Variants in FBXO17 observed in about 807,000 individuals in gnomAD.
FBXO17 encodes F-box only protein 17.
Under a neutral mutation model 34.1 loss-of-function variants are expected in FBXO17, and 43 were observed. That is an observed-to-expected ratio of 1.26 (90% confidence interval 0.99 to 1.62). FBXO17 has a LOEUF of 1.62. FBXO17 is among the 40% of genes most tolerant of loss of function. The pLI, the probability that FBXO17 is intolerant of heterozygous loss-of-function variation, is 0.00. For synonymous variants in FBXO17, 169 were observed against 166.0 expected (o/e 1.02, Z -0.14); for missense variants, 424 against 386.7 (o/e 1.10, Z -0.81).
At chr19:38,963,716 C>A (rs1297393529) in intron 1 of FBXO17, among the ~76,000 whole-genome samples, 2 of 151,964 alleles carry the variant, frequency 1.3e-5, no homozygotes, top group African/African-American at 2.4e-5. Context: ...TTGTTTCCAG[C>A]TTAGGGGTAT....
chr19:38,946,313 T>C, intron 4 of FBXO17, 159 bp downstream of exon 4: 1 of 1,266,818 alleles, frequency 7.9e-7, no homozygotes, highest in Non-Finnish European at 1.1e-6. Context: ...AAGCTCTACC[T>C]TCCCCGGCTC....
At chr19:38,951,138 GA>G (rs1254175938) in intron 1 of FBXO17, among the ~76,000 whole-genome samples, 3 of 152,060 alleles carry the variant, frequency 2.0e-5, no homozygotes, top group African/African-American at 7.2e-5. Flanking sequence ...CAAGGACAAA[GA>G]AGTCATCAAC....
chr19:38,973,291 C>T (rs930214452), intron 1 of FBXO17, among the ~76,000 whole-genome samples: 1 of 152,172 alleles, frequency 6.6e-6, no homozygotes, highest in Non-Finnish European at 1.5e-5. Flanking sequence ...AGGAGAATCG[C>T]TTGAACCCAG....
intron 1 of FBXO17, among the ~76,000 whole-genome samples, chr19:38,956,426 G>A (rs969221105): frequency 1.3e-5 from 2 of 152,078 alleles, no homozygotes; most frequent in Admixed American, 6.6e-5. Flanking sequence ...AAGATAACAA[G>A]CATTAGATCA....
In FBXO17 at chr19:38,970,729, T is replaced by C. The variant is rs147104245; in HGVS notation, c.-18+4857A>G. The stretch of plus-strand genomic sequence containing the variant: ...CATTTCACTGAAGGCCTATTAGTGT[T>C]TGATTACACAAATGCTCCTCAGCCC... On this transcript the variant is annotated intron_variant, in intron 1 of 5. Coordinates refer to ENST00000292852, the MANE Select transcript of FBXO17 (RefSeq NM_024907.7). Among the ~76,000 whole-genome samples the C allele has an allele frequency of 5.4e-3, 821 of 152,276 alleles. 8 individuals carry two copies. The highest frequency in any genetic ancestry group is 0.018 in the African/African-American group (741 of 41,562).
At position 38,946,547 on chromosome 19, in the gene FBXO17, A is replaced by G. The variant is rs1265773092; in HGVS notation, c.482T>C (p.Leu161Pro). 1.9e-6 allele frequency: 3 copies of G among 1,613,900 alleles called. No homozygotes were observed. Among genetic ancestry groups the G allele is most frequent in the Non-Finnish European group, 2.5e-6 (3 of 1,179,944 alleles). ...CACCCCTTCCATCACCAGGTCCACA[A>G]GCTGCCTCTTGGAGCACCATCTGGG... ...TSFEWCSKRQ[L>P]VDLVMEGVWQ... Residue 161 changes from leucine to proline, a missense_variant, in exon 4 of 6, where the codon CTT (leucine) becomes CCT (proline). Coordinates refer to ENST00000292852, the MANE Select transcript of FBXO17 (RefSeq NM_024907.7).
intron 1 of FBXO17, among the ~76,000 whole-genome samples, chr19:38,951,509 C>T (rs145005816): frequency 2.2e-4 from 31 of 140,446 alleles, no homozygotes; most frequent in African/African-American, 7.2e-4. Context: ...CTTCTCTTCC[C>T]TCTGCCCCTA....
intron 1 of FBXO17, among the ~76,000 whole-genome samples, chr19:38,959,907 A>C (rs1204670444): frequency 1.3e-5 from 2 of 152,062 alleles, no homozygotes; most frequent in Admixed American, 6.6e-5. Flanking sequence ...AAAAACAAAC[A>C]AATAAAAAAC....
chr19:38,944,655 GTGC>G, intron 5 of FBXO17: 1 of 316,304 alleles, frequency 3.2e-6, no homozygotes, highest in Non-Finnish European at 5.8e-6. Context: ...CTCCCTGTCT[GTGC>G]CTCTGTTTCC....
chr19:38,951,551 GT>G (rs1975084084), intron 1 of FBXO17, among the ~76,000 whole-genome samples: 1 of 150,950 alleles, frequency 6.6e-6, no homozygotes, highest in Non-Finnish European at 1.5e-5. Context: ...ATTTAAGATG[GT>G]ACTTTAGGAT....
chr19:38,963,974 G>C (rs2116851), intron 1 of FBXO17, among the ~76,000 whole-genome samples: 2 of 151,738 alleles, frequency 1.3e-5, no homozygotes, highest in African/African-American at 4.8e-5. Context: ...AGTAGAGACA[G>C]GGTTTCACCA....
intron 3 of FBXO17, 165 bp from the exon 4 acceptor site, chr19:38,946,732 T>C (rs964310935): frequency 5.5e-5 from 54 of 976,784 alleles, no homozygotes; most frequent in Non-Finnish European, 7.7e-5. Context: ...ACATCTCTCC[T>C]TGGCCTCTTG....
intron 2 of FBXO17, 29 bp downstream of exon 2, chr19:38,949,942 G>A: frequency 6.9e-7 from 1 of 1,456,806 alleles, no homozygotes; most frequent in Non-Finnish European, 9.1e-7. Context: ...GCCCCCCTCA[G>A]CCTCCTGGGC....
At chr19:38,947,691 CA>C (rs1975006181) in intron 3 of FBXO17, among the ~76,000 whole-genome samples, 1 of 152,116 alleles carries the variant, frequency 6.6e-6, no homozygotes, top group Non-Finnish European at 1.5e-5. Context: ...CCATGGAGAA[CA>C]GATTCTCATT....
At chr19:38,944,256 CATTATT>C (rs55839664) in intron 5 of FBXO17, among the ~76,000 whole-genome samples, 5 of 146,526 alleles carry the variant, frequency 3.4e-5, no homozygotes, top group African/African-American at 5.1e-5. Context: ...TGATCTGACT[CATTATT>C]ATTATTATTA....
chr19:38,974,497 T>A (rs1380485350), intron 1 of FBXO17, among the ~76,000 whole-genome samples: 6 of 152,110 alleles, frequency 3.9e-5, no homozygotes, highest in Non-Finnish European at 7.3e-5. Context: ...TTATTTTATG[T>A]TAGAAAAGTA....
intron 1 of FBXO17, among the ~76,000 whole-genome samples, chr19:38,968,590 T>G (rs1320074353): frequency 6.6e-6 from 1 of 152,124 alleles, no homozygotes; most frequent in Non-Finnish European, 1.5e-5. Context: ...ATACACCTTC[T>G]ACCTCCATGC....
chr19:38,944,352 C>T (rs1974940508), intron 5 of FBXO17, among the ~76,000 whole-genome samples: 1 of 151,974 alleles, frequency 6.6e-6, no homozygotes, highest in South Asian at 2.1e-4. Flanking sequence ...CAACCATCCT[C>T]CCACCTCAGC....
intron 1 of FBXO17, among the ~76,000 whole-genome samples, chr19:38,954,210 G>C (rs1408729700): frequency 6.6e-6 from 1 of 152,106 alleles, no homozygotes; most frequent in Non-Finnish European, 1.5e-5. Flanking sequence ...GATTTAACCA[G>C]GGTCTCATGC....
Sources: gnomAD v4.1 joint callset for allele counts (sites outside exome capture counted in the v4.1 genomes callset) on GRCh38, gnomAD v4.1.1 for gene constraint, MANE v1.5 for transcripts, NCBI Gene and HGNC (gene_info 2026-07-23, HGNC 2026-07-21) for gene names.